HYOU1: variants seen among roughly 807,000 people sequenced by gnomAD.
HYOU1 encodes the protein hypoxia up-regulated protein 1.
In HYOU1, 40 loss-of-function variants were observed where a neutral mutation model predicts 120.5. That is an observed-to-expected ratio of 0.33 (90% CI 0.26 to 0.43). The LOEUF (loss-of-function observed/expected upper bound fraction) is 0.43. Among genes scored for constraint, HYOU1 ranks in the 20% least tolerant of loss-of-function variants. HYOU1 has a pLI of 1.00. For missense variants in HYOU1, 1,085 were observed against 1,278.3 expected (o/e 0.85, Z 2.31); for synonymous variants, 501 against 479.4 (o/e 1.05, Z -0.59).
At position 119,055,865 on chromosome 11, in the gene HYOU1, CAGTT is replaced by C. The variant is rs1944723779; in HGVS notation, c.92-26_92-23del. ...GTATCTGAAGGGAAAAGAGGTTTGT[CAGTT>C]AGCTCTCCCTTCGCCCACCTTCCTG... On this transcript the variant is annotated intron_variant, in intron 2 of 25. Transcript: ENST00000617285. This position sits in a 1 kb window ranked among gnomAD's most constrained non-coding sequence, Gnocchi z 4.0. The C allele has an allele frequency of 6.3e-7, 1 of 1,597,410 alleles. No individual in the cohort carries two copies. Among genetic ancestry groups the C allele is most frequent in the Non-Finnish European group, 8.6e-7 (1 of 1,164,696 alleles).
Position 119,054,244 on chromosome 11 carries a change from G to C in HYOU1, c.679-8C>G. On this transcript the variant is annotated splice_polypyrimidine_tract_variant and splice_region_variant and intron_variant, in intron 7 of 25. Transcript: ENST00000617285. ...GTCATAGAACATGATATTCTGTAGAGATATCAAGGCAACTGTCACAGGAAC... is the reference window on the plus strand; with the variant it reads ...GTCATAGAACATGATATTCTGTAGACATATCAAGGCAACTGTCACAGGAAC... 6.3e-7 allele frequency: 1 copy of C among 1,594,856 alleles called. No homozygotes were observed. The highest frequency in any genetic ancestry group is 8.6e-7 in the Non-Finnish European group (1 of 1,162,868).
Position 119,045,026 on chromosome 11 carries a change from C to A in HYOU1, c.*567G>T. 1 of 427,272 alleles carries A rather than the reference C, an allele frequency of 2.3e-6. No individual in the cohort carries two copies. 26.5% of individuals were successfully genotyped at this position (427,272 alleles called of 1,614,324 possible). A position where few individuals can be genotyped will look rare whatever the true frequency, so the allele number is the denominator to read the frequency against. On this transcript the variant is annotated 3_prime_UTR_variant, in exon 26 of 26. Coordinates refer to ENST00000617285, the MANE Select transcript of HYOU1 (RefSeq NM_006389.5). ...ATTTGCTGCAGGAAGCCAAGGAAAC[C>A]CAGGGGGAAAGGAGCTGGATGGGAA...
In HYOU1 at chr11:119,052,947, T is replaced by G; in HGVS notation, c.795-118A>C. On this transcript the variant is annotated intron_variant, in intron 8 of 25. Transcript: ENST00000617285. The surrounding 1 kb of genome is among the most constrained non-coding windows in gnomAD (Gnocchi z 5.0). ...TTCATCTCAGGGGACCTTGTTCATC[T>G]CCAGTGCCCCATGTGTGGACACACA... The G allele has an allele frequency of 2.2e-6, 2 of 919,070 alleles. No homozygotes were observed. Among genetic ancestry groups the G allele is most frequent in the Non-Finnish European group, 3.2e-6 (2 of 620,198 alleles). The allele number at this position is 919,070 out of a possible 1,614,324, so 56.9% of individuals were successfully genotyped here. A position where few individuals can be genotyped will look rare whatever the true frequency, so the allele number is the denominator to read the frequency against.
chr11:119,049,770 A>G lies in HYOU1; in HGVS notation c.1726+7T>C. 3.1e-6 allele frequency: 5 copies of G among 1,613,706 alleles called. No individual in the cohort carries two copies. The highest frequency in any genetic ancestry group is 2.5e-6 in the Non-Finnish European group (3 of 1,179,606). On this transcript the variant is annotated splice_region_variant and intron_variant, in intron 15 of 25. Coordinates refer to ENST00000617285, the MANE Select transcript of HYOU1 (RefSeq NM_006389.5). Reference sequence around the variant, plus strand: ...CTCTCCCATACACACATGCATGCTCATCTTACTGGTGAGAGTAGATTCCTC... The same window carrying G: ...CTCTCCCATACACACATGCATGCTCGTCTTACTGGTGAGAGTAGATTCCTC...
rs2133550768 is a variant in HYOU1, at chr11:119,046,544, C to T, written c.2836+18G>A. ...CTCCCTGTCCAGCAGAACATGCAGC[C>T]AGGTACCCTGTTCTCACCTGCTGGA... On this transcript the variant is annotated intron_variant, in intron 23 of 25. Coordinates refer to ENST00000617285, the MANE Select transcript of HYOU1 (RefSeq NM_006389.5). The T allele has an allele frequency of 3.7e-6, 6 of 1,613,766 alleles. No individual in the cohort carries two copies. In the Admixed American group the frequency reaches 8.3e-5, roughly 22 times the overall value.
chr11:119,056,152 G>A lies in HYOU1; in HGVS notation c.9C>T (p.Asp3=). 1 of 1,613,606 alleles carries A rather than the reference G, an allele frequency of 6.2e-7. No homozygotes were observed. The highest frequency in any genetic ancestry group is 1.1e-5 in the South Asian group (1 of 91,082). Residue 3 remains aspartate, a synonymous_variant, in exon 2 of 26, where the codon GAC becomes GAT. Coordinates refer to ENST00000617285, the MANE Select transcript of HYOU1 (RefSeq NM_006389.5). ...TCCTCGGCCTCTGCCTCCTAACTTTGTCTGCCATAGTGCCCCTGGGGGAGG... is the reference window on the plus strand; with the variant it reads ...TCCTCGGCCTCTGCCTCCTAACTTTATCTGCCATAGTGCCCCTGGGGGAGG... MA[D]KVRRQRPRRR...
Position 119,048,061 on chromosome 11 carries a change from GC to G in HYOU1, c.2395del (p.Ala799LeufsTer3). The G allele has an allele frequency of 6.2e-7, 1 of 1,614,226 alleles. No individual in the cohort carries two copies. Among genetic ancestry groups the G allele is most frequent in the African/African-American group, 1.3e-5 (1 of 75,068 alleles). ...ATTVMLKEKL[A>X]ELRKLCQGLF... ...CCCTTGGCACAGCTTCCTCAGCTCAGCCAGCTTCTCCTTCAACATCTGATGG... is the reference window on the plus strand; with the variant it reads ...CCCTTGGCACAGCTTCCTCAGCTCAGCAGCTTCTCCTTCAACATCTGATGG... On this transcript the variant is annotated frameshift_variant, in exon 21 of 26. Coordinates refer to ENST00000617285, the MANE Select transcript of HYOU1 (RefSeq NM_006389.5). LOFTEE classifies it high-confidence loss of function. This position sits in a 1 kb window ranked among gnomAD's most constrained non-coding sequence, Gnocchi z 4.7.
intron 8 of HYOU1, chr11:119,053,136 A>G (rs1039414371): frequency 6.2e-6 from 2 of 324,844 alleles, no homozygotes; most frequent in Non-Finnish European, 1.1e-5. Flanking sequence ...AAAGTTGAAT[A>G]ATCACACAAA....
chr11:119,047,189 G>C, intron 22 of HYOU1: 1 of 201,004 alleles, frequency 5.0e-6, no homozygotes, highest in Non-Finnish European at 1.0e-5. Flanking sequence ...TGAGTAGCTA[G>C]GACTACAGGC....
chr11:119,047,068 T>A (rs1752286758), intron 22 of HYOU1: 2 of 375,780 alleles, frequency 5.3e-6, no homozygotes, highest in East Asian at 4.6e-5. Flanking sequence ...GTCCTTTTTT[T>A]TTTTTGAGAC....
At chr11:119,047,913 G>A (rs2133559355) in intron 21 of HYOU1, 34 bp downstream of exon 21, 1 of 1,613,964 alleles carries the variant, frequency 6.2e-7, no homozygotes, top group South Asian at 1.1e-5. Context: ...AGTGGCCTTG[G>A]CAGGACTGCA....
Position 119,055,829 on chromosome 11 carries a change from T to G in HYOU1, c.106A>C (p.Met36Leu). The change falls in exon 3 of 26, where the codon ATG becomes CTG. Residue 36 changes from methionine to leucine, a missense_variant. Met to Leu is a conservative substitution (Grantham distance 15, BLOSUM62 2). This residue lies in a region of HYOU1 where 45 missense variants were observed against 49.2 expected (regional missense o/e 0.91). Transcript: ENST00000617285. The surrounding 1 kb of genome is among the most constrained non-coding windows in gnomAD (Gnocchi z 4.0). Reference sequence around the variant, plus strand: ...GACTCACTGCCCAGGTCCACAGACATCACTGCCAGTGTATCTGAAGGGAAA... The same window carrying G: ...GACTCACTGCCCAGGTCCACAGACAGCACTGCCAGTGTATCTGAAGGGAAA... ...LLALSDTLAV[M>L]SVDLGSESMK... 6.2e-7 allele frequency: 1 copy of G among 1,613,950 alleles called. No homozygotes were observed. Among genetic ancestry groups the G allele is most frequent in the Non-Finnish European group, 8.5e-7 (1 of 1,179,844 alleles).
At chr11:119,053,158 C>T in intron 8 of HYOU1, 1 of 279,772 alleles carries the variant, frequency 3.6e-6, no homozygotes, top group Non-Finnish European at 6.8e-6. Context: ...GTGAAATTAT[C>T]ACTACGTCAC....
intron 8 of HYOU1, 25 bp downstream of exon 8, chr11:119,054,096 C>T: frequency 1.4e-6 from 2 of 1,463,714 alleles, no homozygotes; most frequent in Non-Finnish European, 1.9e-6. Flanking sequence ...TCACAAGCAG[C>T]CCTCCCTGCC....
Position 119,049,147 on chromosome 11 carries a change from C to G in HYOU1, c.1863G>C (p.Glu621Asp). 1 of 1,612,898 alleles carries G rather than the reference C, an allele frequency of 6.2e-7. No homozygotes were observed. Among genetic ancestry groups the G allele is most frequent in the Non-Finnish European group, 8.5e-7 (1 of 1,179,372 alleles). Residue 621 changes from glutamate to aspartate, a missense_variant, in exon 17 of 26, where the codon GAG (glutamate) becomes GAC (aspartate). Transcript: ENST00000617285. ...GSKDEPGEQV[E>D]LKEEAEAPVE... ...CTGGGGCCTCAGCTTCCTCCTTGAG[C>G]TCCACCTGCTCCCCAGGCTCGTCCT...
In HYOU1 at chr11:119,047,990, A is replaced by G. The variant is rs1303708586; in HGVS notation, c.2467T>C (p.Ser823Pro). Reference sequence around the variant, plus strand: ...TGGTTGAGGAGATTATCGAGGGCAGACAGCCGTTCGGGCCACTTCTTGCGC... The same window carrying G: ...TGGTTGAGGAGATTATCGAGGGCAGGCAGCCGTTCGGGCCACTTCTTGCGC... Reference protein sequence around the residue: ...EERKKWPERLSALDNLLNHSS... With the variant: ...EERKKWPERLPALDNLLNHSS... Residue 823 changes from serine (S) to proline (P), a missense_variant, in exon 21 of 26, where the codon TCT becomes CCT. Around this residue, in one of 4 missense-constraint regions of HYOU1, gnomAD observed 516 missense variants for 517.1 expected, o/e 1.00. Transcript: ENST00000617285. 4.3e-6 allele frequency: 7 copies of G among 1,614,072 alleles called. No individual in the cohort carries two copies. Among genetic ancestry groups the G allele is most frequent in the Non-Finnish European group, 5.9e-6 (7 of 1,180,040 alleles).
Position 119,051,712 on chromosome 11 carries a change from G to T in HYOU1, c.1339-87C>A. On this transcript the variant is annotated intron_variant, in intron 12 of 25. Transcript: ENST00000617285. The surrounding 1 kb of genome is among the most constrained non-coding windows in gnomAD (Gnocchi z 4.2). ...GTAAGGATGGGGGTGGGATGGGGGA[G>T]ACCTCTTAGCAGAAAGACAAAGGGA... 1 of 1,593,904 alleles carries T rather than the reference G, an allele frequency of 6.3e-7. No individual in the cohort carries two copies. Among genetic ancestry groups the T allele is most frequent in the South Asian group, 1.1e-5 (1 of 89,528 alleles).
In HYOU1 at chr11:119,045,101, C is replaced by T. The variant is rs1165353549; in HGVS notation, c.*492G>A. 2.2e-6 allele frequency: 1 copy of T among 453,782 alleles called. No homozygotes were observed. Among genetic ancestry groups the T allele is most frequent in the South Asian group, 1.5e-5 (1 of 64,520 alleles). 28.1% of individuals were successfully genotyped at this position (453,782 alleles called of 1,614,324 possible). Reference sequence around the variant, plus strand: ...AGAAGCCCGCAGAGGGAGGAAAGAGCACAGATAGGCACTCAGAAACCAAAC... The same window carrying T: ...AGAAGCCCGCAGAGGGAGGAAAGAGTACAGATAGGCACTCAGAAACCAAAC... On this transcript the variant is annotated 3_prime_UTR_variant, in exon 26 of 26. Coordinates refer to ENST00000617285, the MANE Select transcript of HYOU1 (RefSeq NM_006389.5).
In HYOU1 at chr11:119,055,657, GC is replaced by G. The variant is rs1004479696; in HGVS notation, c.186-87del. ...CTCACACACATTTAACCACTCAGATGCCGAAGTCTGCTGTGGGCACTATGAC... is the reference window on the plus strand; with the variant it reads ...CTCACACACATTTAACCACTCAGATGCGAAGTCTGCTGTGGGCACTATGAC... On this transcript the variant is annotated intron_variant, in intron 3 of 25. Coordinates refer to ENST00000617285, the MANE Select transcript of HYOU1 (RefSeq NM_006389.5). This position sits in a 1 kb window ranked among gnomAD's most constrained non-coding sequence, Gnocchi z 4.0. The G allele has an allele frequency of 5.4e-6, 8 of 1,488,738 alleles. No homozygotes were observed. The African/African-American group carries it at 1.1e-4, about 21-fold the overall frequency. 92.2% of individuals were successfully genotyped at this position (1,488,738 alleles called of 1,614,324 possible).
Sources: gnomAD v4.1 joint callset for allele counts on GRCh38, gnomAD v4.1.1 for gene constraint, gnomAD v4.1.1 regional missense constraint, Gnocchi (gnomAD v3.1) non-coding constraint, MANE v1.5 for transcripts, NCBI Gene and HGNC (gene_info 2026-07-23, HGNC 2026-07-21) for gene names.